Variants in UNC13B observed in about 807,000 individuals in gnomAD.
UNC13B encodes the protein protein unc-13 homolog B.
A neutral mutation model predicts 211.0 loss-of-function variants in UNC13B; 144 were observed. The observed-to-expected ratio is 0.68, with a 90% confidence interval of 0.60 to 0.78. The LOEUF is 0.78. UNC13B is among the 30% of genes least tolerant of loss of function. The pLI is 0.00. For synonymous variants in UNC13B, 709 were observed against 725.8 expected (o/e 0.98, Z 0.37); for missense variants, 1,777 against 2,002.0 (o/e 0.89, Z 2.14).
chr9:35,375,604 C>T (rs1003802338), intron 14 of UNC13B, among the ~76,000 whole-genome samples: 2 of 152,204 alleles, frequency 1.3e-5, no homozygotes, highest in Admixed American at 1.3e-4. Context: ...GATAGAGCAT[C>T]TTCTTCATTG....
chr9:35,193,657 CAAA>C (rs748105027), intron 1 of UNC13B, among the ~76,000 whole-genome samples: 5 of 56,176 alleles, frequency 8.9e-5, no homozygotes, highest in African/African-American at 1.8e-4. Context: ...GACTCCGTCT[CAAA>C]AAAAAAAAAA....
rs1416282488 is a variant in UNC13B at position 35,399,555 on chromosome 9, G to A, written c.12256-94G>A. The A allele has an allele frequency of 6.2e-6, 10 of 1,600,696 alleles. No individual in the cohort carries two copies. In the Admixed American group the frequency reaches 1.7e-4, roughly 27 times the overall value. On this transcript the variant is annotated intron_variant, in intron 35 of 39. Coordinates refer to ENST00000635942, the MANE Select transcript of UNC13B (RefSeq NM_001371189.2). ...GAGCTTTGGAGACTGAAGAGGAAAA[G>A]GAGGAGATGAATATGCACTGGGGGC...
chr9:35,258,917 G>A, intron 6 of UNC13B, 76 bp from the exon 7 acceptor site: 1 of 1,472,378 alleles, frequency 6.8e-7, no homozygotes, highest in Non-Finnish European at 9.3e-7. Context: ...TTTATAGGTA[G>A]TTGTGATTTT....
chr9:35,309,318 C>A (rs1318382643), intron 9 of UNC13B, among the ~76,000 whole-genome samples: 1 of 151,610 alleles, frequency 6.6e-6, no homozygotes, highest in Non-Finnish European at 1.5e-5. Flanking sequence ...GAACAGTGAC[C>A]TGGTACCTAT....
chr9:35,352,238 G>A lies in UNC13B; in HGVS notation c.9415-14709G>A. On this transcript the variant is annotated intron_variant, in intron 11 of 39. Coordinates refer to ENST00000635942, the MANE Select transcript of UNC13B (RefSeq NM_001371189.2). ...AGATGGAGAAAATACTATGGAACTG[G>A]TGGAAAGCTTTCTAGCCAAGCACCT... The A allele has an allele frequency of 5.7e-6, 7 of 1,232,178 alleles. No individual in the cohort carries two copies. In the South Asian group the frequency reaches 1.2e-4, roughly 22 times the overall value. 76.3% of individuals were successfully genotyped at this position (1,232,178 alleles called of 1,614,324 possible). A position where few individuals can be genotyped will look rare whatever the true frequency, so the allele number is the denominator to read the frequency against.
At chr9:35,329,022 C>G (rs1433340217) in intron 11 of UNC13B, among the ~76,000 whole-genome samples, 1 of 151,862 alleles carries the variant, frequency 6.6e-6, no homozygotes, top group Non-Finnish European at 1.5e-5. Flanking sequence ...CCGCCCACCT[C>G]GGCCTCCCAA....
At chr9:35,313,310 TG>T (rs1168966265) in intron 10 of UNC13B, among the ~76,000 whole-genome samples, 1 of 151,990 alleles carries the variant, frequency 6.6e-6, no homozygotes, top group Non-Finnish European at 1.5e-5. Context: ...TGCTGCTCAT[TG>T]GGTAAATGAA....
chr9:35,286,805 G>A (rs945439639), intron 7 of UNC13B, among the ~76,000 whole-genome samples: 3 of 152,130 alleles, frequency 2.0e-5, no homozygotes, highest in African/African-American at 4.8e-5. Context: ...AAACACATCC[G>A]TGTGCTGGGA....
chr9:35,178,245 A>G (rs979015025), intron 1 of UNC13B, among the ~76,000 whole-genome samples: 2 of 152,222 alleles, frequency 1.3e-5, no homozygotes, highest in Admixed American at 6.5e-5. Context: ...ACAGTGGCTC[A>G]TGCCTGTAAT....
intron 1 of UNC13B, among the ~76,000 whole-genome samples, chr9:35,220,102 A>G (rs1044879634): frequency 1.3e-5 from 2 of 152,082 alleles, no homozygotes; most frequent in African/African-American, 4.8e-5. Context: ...AGGTATAAGC[A>G]AATATGAATA....
rs763138647 is a variant in UNC13B, at chr9:35,295,904, T to C, written c.735T>C (p.Leu245=). 1 of 1,613,374 alleles carries C rather than the reference T, an allele frequency of 6.2e-7. No homozygotes were observed. Among genetic ancestry groups the C allele is most frequent in the South Asian group, 1.1e-5 (1 of 90,872 alleles). The change falls in exon 8 of 40, where the codon CTT becomes CTC. Residue 245 remains leucine (L), a synonymous_variant. Coordinates refer to ENST00000635942, the MANE Select transcript of UNC13B (RefSeq NM_001371189.2). ...SCNDSMQSYD[L]DYPERRAIRY... ...ATGACTCTATGCAAAGTTATGACCTTGATTATCCAGAGCGGCGGGCTATCA... is the reference window on the plus strand; with the variant it reads ...ATGACTCTATGCAAAGTTATGACCTCGATTATCCAGAGCGGCGGGCTATCA...
chr9:35,328,956 A>T (rs1459426841), intron 11 of UNC13B, among the ~76,000 whole-genome samples: 1 of 151,524 alleles, frequency 6.6e-6, no homozygotes, highest in African/African-American at 2.4e-5. Flanking sequence ...TATTTTTAGT[A>T]GAGATGGGGT....
chr9:35,384,374 T>G, intron 22 of UNC13B, 60 bp downstream of exon 22: 1 of 1,563,534 alleles, frequency 6.4e-7, no homozygotes, highest in Non-Finnish European at 8.7e-7. Flanking sequence ...CCAGAGAGAC[T>G]GTAGGCCAAT....
intron 11 of UNC13B, among the ~76,000 whole-genome samples, chr9:35,335,619 C>T (rs572235943): frequency 1.3e-5 from 2 of 152,018 alleles, no homozygotes; most frequent in Non-Finnish European, 2.9e-5. Flanking sequence ...AAACCAACCT[C>T]CTGGAGCATT....
At chr9:35,175,820 C>T (rs112674343) in intron 1 of UNC13B, among the ~76,000 whole-genome samples, 6 of 148,366 alleles carry the variant, frequency 4.0e-5, no homozygotes, top group African/African-American at 1.5e-4. Context: ...AGTTCGAGAC[C>T]AGTCTGGCCA....
intron 7 of UNC13B, among the ~76,000 whole-genome samples, chr9:35,269,899 A>G (rs1036372674): frequency 5.9e-5 from 9 of 151,868 alleles, no homozygotes; most frequent in South Asian, 2.1e-4. Flanking sequence ...CTATGGACAC[A>G]TGATTTTTTT....
In UNC13B at chr9:35,219,638, A is replaced by G. The variant is rs530054052; in HGVS notation, c.23-8377A>G. On this transcript the variant is annotated intron_variant, in intron 1 of 39. Coordinates refer to ENST00000635942, the MANE Select transcript of UNC13B (RefSeq NM_001371189.2). ...TGTCCAAAAAAAAAAAAAAAAAAGT[A>G]AAGACATTGTTTTCTTTAAATTTTC... is the stretch of plus-strand genomic sequence containing the variant. Among the ~76,000 whole-genome samples the G allele has an allele frequency of 1.1e-4, 17 of 151,102 alleles. No individual in the cohort carries two copies. The South Asian group carries it at 1.5e-3, about 13-fold the overall frequency.
rs764810239 is a variant in UNC13B, at chr9:35,304,135, G to A, written c.4731G>A (p.Thr1577=). 2.8e-5 allele frequency: 11 copies of A among 398,632 alleles called. No individual in the cohort carries two copies. Among genetic ancestry groups the A allele is most frequent in the East Asian group, 1.4e-4 (4 of 28,064 alleles). 24.7% of individuals were successfully genotyped at this position (398,632 alleles called of 1,614,324 possible). A position where few individuals can be genotyped will look rare whatever the true frequency, so the allele number is the denominator to read the frequency against. ...DLQTNGLSSI[T]LDDSIISACS... The stretch of plus-strand genomic sequence containing the variant: ...AGACAAATGGTCTATCAAGTATTAC[G>A]TTGGATGACAGCATTATTTCTGCCT... Residue 1577 remains threonine, a synonymous_variant, in exon 9 of 40, where the codon ACG becomes ACA. Coordinates refer to ENST00000635942, the MANE Select transcript of UNC13B (RefSeq NM_001371189.2).
At chr9:35,220,439 C>T (rs892193321) in intron 1 of UNC13B, among the ~76,000 whole-genome samples, 8 of 151,396 alleles carry the variant, frequency 5.3e-5, no homozygotes, top group African/African-American at 1.9e-4. Context: ...CCCAACTACT[C>T]TTTCTAGTAG....
Sources: allele counts gnomAD v4.1 joint callset (sites outside exome capture counted in the v4.1 genomes callset), GRCh38; gene constraint gnomAD v4.1.1; transcripts MANE v1.5; gene names NCBI Gene and HGNC (gene_info 2026-07-23, HGNC 2026-07-21).